ANKIB1: variants seen among roughly 807,000 people sequenced by gnomAD.
ANKIB1 encodes ankyrin repeat and IBR domain containing 1.
Under a neutral mutation model 122.1 loss-of-function variants are expected in ANKIB1, and 43 were observed. The observed-to-expected ratio is 0.35, with a 90% CI of 0.28 to 0.45. ANKIB1 has a LOEUF of 0.45. Among genes scored for constraint, ANKIB1 ranks in the 20% least tolerant of loss-of-function variants. The pLI, the probability that ANKIB1 is intolerant of heterozygous loss-of-function variation, is 1.00. For missense variants in ANKIB1, 992 were observed against 1,329.5 expected (o/e 0.75, Z 3.95); for synonymous variants, 390 against 442.0 (o/e 0.88, Z 1.48).
At chr7:92,373,544 A>T (rs1320022671) in intron 11 of ANKIB1, among the ~76,000 whole-genome samples, 2 of 152,198 alleles carry the variant, frequency 1.3e-5, no homozygotes, top group Non-Finnish European at 2.9e-5. Context: ...TTATTATACC[A>T]TCTGAAGTGT....
rs558542169 is a variant in ANKIB1 at position 92,246,531 on chromosome 7, C to T, written c.-91+12C>T. On this transcript the variant is annotated intron_variant, in intron 1 of 19. Transcript: ENST00000265742. ...CGAGAGAAGTAACCGTAAGTCTCAG[C>T]TTCGCGGTACAGATGTGTTTGAGGC... 8 of 517,850 alleles carry T rather than the reference C, an allele frequency of 1.5e-5. No individual in the cohort carries two copies. Among genetic ancestry groups the T allele is most frequent in the African/African-American group, 1.5e-4 (8 of 52,056 alleles). 32.1% of individuals were successfully genotyped at this position (517,850 alleles called of 1,614,324 possible). A position where few individuals can be genotyped will look rare whatever the true frequency, so the allele number is the denominator to read the frequency against.
intron 5 of ANKIB1, among the ~76,000 whole-genome samples, chr7:92,330,104 A>G (rs1170439735): frequency 1.3e-5 from 2 of 152,190 alleles, no homozygotes; most frequent in Non-Finnish European, 2.9e-5. Flanking sequence ...GTCCTTAGAC[A>G]TCATTTCTTC....
intron 2 of ANKIB1, among the ~76,000 whole-genome samples, chr7:92,296,067 C>T (rs1167705566): frequency 1.3e-5 from 2 of 152,106 alleles, no homozygotes; most frequent in East Asian, 1.9e-4. Flanking sequence ...AGCCTTTTTC[C>T]TGTTTCTTCC....
intron 3 of ANKIB1, 85 bp from the exon 4 acceptor site, chr7:92,319,245 T>C (rs2131948484): frequency 1.2e-6 from 1 of 845,330 alleles, no homozygotes; most frequent in East Asian, 2.7e-5. Flanking sequence ...GTGTTAATTT[T>C]ATTATATTTT....
chr7:92,350,421 G>A (rs1159114582), intron 7 of ANKIB1, among the ~76,000 whole-genome samples: 1 of 152,036 alleles, frequency 6.6e-6, no homozygotes, highest in African/African-American at 2.4e-5. Flanking sequence ...CATAAAATAT[G>A]AAACATACGA....
intron 2 of ANKIB1, among the ~76,000 whole-genome samples, chr7:92,306,403 A>G (rs1305975528): frequency 6.6e-6 from 1 of 152,082 alleles, no homozygotes; most frequent in Non-Finnish European, 1.5e-5. Flanking sequence ...ACTCACCTAG[A>G]CCTATCTTTG....
At chr7:92,321,686 GA>G (rs1199699280) in intron 4 of ANKIB1, among the ~76,000 whole-genome samples, 4 of 152,116 alleles carry the variant, frequency 2.6e-5, no homozygotes, top group African/African-American at 9.7e-5. Flanking sequence ...TACATGTTTA[GA>G]AAAATAATCA....
rs1804781487 is a variant in ANKIB1 at position 92,391,326 on chromosome 7, C to G, written c.2213C>G (p.Pro738Arg). The change falls in exon 16 of 20, where the codon CCA (proline) becomes CGA (arginine). Residue 738 changes from proline (P) to arginine (R), a missense_variant. Physicochemically the swap from Pro to Arg is moderately radical, Grantham distance 103. Around this residue, in one of 4 missense-constraint regions of ANKIB1, gnomAD observed 521 missense variants for 777.7 expected, o/e 0.67. Coordinates refer to ENST00000265742, the MANE Select transcript of ANKIB1 (RefSeq NM_019004.2). ...CGGGGAGTAGCTCCTGCAGACTCAC[C>G]AGAAGCTCCAAGGCGCAGGTAAAAA... ...VARGVAPADSPEAPRRSFAGG... is the reference protein window; with the variant it reads ...VARGVAPADSREAPRRSFAGG... 1 of 1,611,944 alleles carries G rather than the reference C, an allele frequency of 6.2e-7. No individual in the cohort carries two copies. The highest frequency in any genetic ancestry group is 1.3e-5 in the African/African-American group (1 of 74,792).
intron 2 of ANKIB1, among the ~76,000 whole-genome samples, chr7:92,304,667 G>A (rs1184428265): frequency 2.0e-5 from 3 of 152,106 alleles, no homozygotes; most frequent in African/African-American, 7.2e-5. Context: ...TTAAGAAAAT[G>A]AAATCTTTTT....
intron 5 of ANKIB1, among the ~76,000 whole-genome samples, chr7:92,328,465 A>G (rs1468612921): frequency 6.6e-6 from 1 of 152,126 alleles, no homozygotes; most frequent in Non-Finnish European, 1.5e-5. Flanking sequence ...CTAACTTTAT[A>G]TAAGAAAATT....
intron 10 of ANKIB1, among the ~76,000 whole-genome samples, chr7:92,364,105 C>T (rs914349263): frequency 6.6e-6 from 1 of 151,800 alleles, no homozygotes; most frequent in Non-Finnish European, 1.5e-5. Flanking sequence ...GTCTGGAGTT[C>T]AAGACCATCT....
At position 92,257,810 on chromosome 7, in the gene ANKIB1, A is replaced by G. The variant is rs181409840; in HGVS notation, c.-91+11291A>G. Among the ~76,000 whole-genome samples, 6 of 152,366 alleles carry G rather than the reference A, an allele frequency of 3.9e-5. No individual in the cohort carries two copies. The East Asian group carries it at 1.2e-3, about 29-fold the overall frequency. On this transcript the variant is annotated intron_variant, in intron 1 of 19. Coordinates refer to ENST00000265742, the MANE Select transcript of ANKIB1 (RefSeq NM_019004.2). ...TCTGTCTCAAAAAAAATAAAATAAA[A>G]TAAAATAAAGATTATTCTATCTTTC...
chr7:92,375,683 A>C (rs572522773), intron 11 of ANKIB1, among the ~76,000 whole-genome samples: 1 of 151,740 alleles, frequency 6.6e-6, no homozygotes, highest in East Asian at 1.9e-4. Flanking sequence ...CTTTTTCCAA[A>C]CTCCTGTTCA....
At chr7:92,393,390 C>G (rs191187922) in intron 17 of ANKIB1, among the ~76,000 whole-genome samples, 1 of 151,722 alleles carries the variant, frequency 6.6e-6, no homozygotes, top group Non-Finnish European at 1.5e-5. Flanking sequence ...AATTATGAAC[C>G]TTTATCTGAT....
intron 1 of ANKIB1, among the ~76,000 whole-genome samples, chr7:92,282,125 A>G (rs1420633166): frequency 6.6e-6 from 1 of 152,108 alleles, no homozygotes; most frequent in Non-Finnish European, 1.5e-5. Context: ...GTTGAGGCTA[A>G]AAGTTCACCT....
intron 11 of ANKIB1, among the ~76,000 whole-genome samples, chr7:92,382,478 C>T (rs1348463701): frequency 6.6e-6 from 1 of 152,178 alleles, no homozygotes; most frequent in South Asian, 2.1e-4. Context: ...AAATTGACCA[C>T]GTAGTTGGAA....
Position 92,397,825 on chromosome 7 carries a change from C to T in ANKIB1, c.2498C>T (p.Pro833Leu). Residue 833 changes from proline (P) to leucine (L), a missense_variant, in exon 19 of 20, where the codon CCT becomes CTT. This residue lies in a region of ANKIB1 where 384 missense variants were observed against 412.0 expected (regional missense o/e 0.93). Coordinates refer to ENST00000265742, the MANE Select transcript of ANKIB1 (RefSeq NM_019004.2). ...LHSSSLRDYT[P>L]ASRSENQDSL... is the part of the protein sequence containing the mutation. ...AGCTCTTCCCTGCGTGACTACACCC[C>T]TGCCAGTCGCTCTGAAAACCAGGAC... 6.2e-7 allele frequency: 1 copy of T among 1,607,636 alleles called. No individual in the cohort carries two copies. The highest frequency in any genetic ancestry group is 2.3e-5 in the East Asian group (1 of 44,406).
chr7:92,394,538 T>G (rs755007562), intron 17 of ANKIB1, among the ~76,000 whole-genome samples: 9 of 152,232 alleles, frequency 5.9e-5, no homozygotes, highest in Non-Finnish European at 1.3e-4. Context: ...ATATGTATAG[T>G]CTATGGTCAG....
chr7:92,391,569 A>G (rs1285347334), intron 16 of ANKIB1, among the ~76,000 whole-genome samples: 1 of 151,946 alleles, frequency 6.6e-6, no homozygotes, highest in Non-Finnish European at 1.5e-5. Flanking sequence ...AGCTCCTTAG[A>G]CTAAATTAAC....
Sources: gnomAD v4.1 joint callset for allele counts (sites outside exome capture counted in the v4.1 genomes callset) on GRCh38, gnomAD v4.1.1 for gene constraint, gnomAD v4.1.1 regional missense constraint, MANE v1.5 for transcripts, NCBI Gene and HGNC (gene_info 2026-07-23, HGNC 2026-07-21) for gene names.